The following GAS7 variants were observed in gnomAD, a reference collection of about 807,000 sequenced individuals.
The protein encoded by GAS7 is growth arrest-specific protein 7.
GAS7 carries 28 observed loss-of-function variants against 71.1 expected under a neutral mutation model. The ratio of observed to expected loss-of-function variants is 0.39; its 90% CI spans 0.29 to 0.54. GAS7 has a LOEUF of 0.54. Ranked by LOEUF, GAS7 falls within the 20% of genes least tolerant of loss-of-function variation. The pLI, the probability that GAS7 is intolerant of heterozygous loss-of-function variation, is 0.62. For synonymous variants in GAS7, 258 were observed against 245.8 expected (o/e 1.05, Z -0.46); for missense variants, 436 against 627.8 (o/e 0.69, Z 3.27).
At chr17:10,041,635 T>G (rs935201679) in intron 1 of GAS7, among the ~76,000 whole-genome samples, 1 of 152,248 alleles carries the variant, frequency 6.6e-6, no homozygotes, top group African/African-American at 2.4e-5. Flanking sequence ...AAGGGTTTAC[T>G]GTTTGGGTTC....
chr17:9,919,496 C>T lies in GAS7; in HGVS notation c.1218+130G>A. 1 of 759,734 alleles carries T rather than the reference C, an allele frequency of 1.3e-6. No individual in the cohort carries two copies. The highest frequency in any genetic ancestry group is 1.4e-5 in the South Asian group (1 of 71,448). The allele number at this position is 759,734 out of a possible 1,614,324, so 47.1% of individuals were successfully genotyped here. A position where few individuals can be genotyped will look rare whatever the true frequency, so the allele number is the denominator to read the frequency against. ...GCTCACATTGAGGTTTCGACCCCAA[C>T]ACTGAAGTAGATTTGATGACCATCT... On this transcript the variant is annotated intron_variant, in intron 12 of 13. Transcript: ENST00000432992. The surrounding 1 kb of genome is among the most constrained non-coding windows in gnomAD (Gnocchi z 5.0).
intron 1 of GAS7, among the ~76,000 whole-genome samples, chr17:10,179,222 T>C (rs1015703023): frequency 7.2e-5 from 11 of 151,726 alleles, no homozygotes; most frequent in African/African-American, 2.2e-4. Flanking sequence ...CCAACTACTC[T>C]GGAGGCTGAG....
At chr17:10,124,931 T>C (rs1221045803) in intron 1 of GAS7, among the ~76,000 whole-genome samples, 1 of 151,550 alleles carries the variant, frequency 6.6e-6, no homozygotes, top group Non-Finnish European at 1.5e-5. Context: ...ATTCAATAAA[T>C]AAATAAAAAT....
At chr17:9,945,592 C>A (rs2068759275) in intron 6 of GAS7, among the ~76,000 whole-genome samples, 1 of 151,824 alleles carries the variant, frequency 6.6e-6, no homozygotes, top group Non-Finnish European at 1.5e-5. Flanking sequence ...CAACAGGGAT[C>A]TTTGTATATC....
chr17:10,155,911 A>G (rs937553063), intron 1 of GAS7, among the ~76,000 whole-genome samples: 3 of 152,200 alleles, frequency 2.0e-5, no homozygotes, highest in African/African-American at 7.2e-5. Flanking sequence ...TACAGCTGGC[A>G]TTGACACCCC....
At chr17:10,006,370 C>T (rs1026114377) in intron 2 of GAS7, among the ~76,000 whole-genome samples, 5 of 119,836 alleles carry the variant, frequency 4.2e-5, no homozygotes, top group Middle Eastern at 0.016. Flanking sequence ...CACTCTGTTG[C>T]CCAGGCTGGA....
intron 9 of GAS7, among the ~76,000 whole-genome samples, chr17:9,927,834 C>A (rs1300155075): frequency 6.6e-6 from 1 of 152,248 alleles, no homozygotes; most frequent in African/African-American, 2.4e-5. Context: ...CTGTTGGAGA[C>A]CTGCTGGAAA....
intron 1 of GAS7, among the ~76,000 whole-genome samples, chr17:10,165,971 G>C (rs1412005089): frequency 6.6e-6 from 1 of 151,826 alleles, no homozygotes; most frequent in Non-Finnish European, 1.5e-5. Flanking sequence ...AGAGCAAAAG[G>C]CACCAGGAAC....
At chr17:10,029,160 A>C (rs1338359239) in intron 1 of GAS7, among the ~76,000 whole-genome samples, 2 of 152,236 alleles carry the variant, frequency 1.3e-5, no homozygotes, top group African/African-American at 4.8e-5. Flanking sequence ...TGCAAGAATA[A>C]AAAGAAGGCT....
chr17:10,197,124 T>A (rs1208583692), intron 1 of GAS7, among the ~76,000 whole-genome samples: 1 of 152,174 alleles, frequency 6.6e-6, no homozygotes, highest in Non-Finnish European at 1.5e-5. Context: ...ACAGGATACA[T>A]CCTCAGGCGG....
chr17:10,031,343 C>G (rs902492016), intron 1 of GAS7, among the ~76,000 whole-genome samples: 4 of 152,196 alleles, frequency 2.6e-5, no homozygotes, highest in Admixed American at 2.6e-4. Context: ...ATAATTACAA[C>G]GCAGTCCCTG....
intron 1 of GAS7, among the ~76,000 whole-genome samples, chr17:10,091,677 C>CGTGG (rs2073583100): frequency 1.3e-5 from 2 of 151,996 alleles, no homozygotes; most frequent in South Asian, 4.2e-4. Flanking sequence ...TGAGCCACCA[C>CGTGG]GCCCAGCTGG....
intron 1 of GAS7, among the ~76,000 whole-genome samples, chr17:10,033,428 C>G (rs1256688579): frequency 6.6e-6 from 1 of 152,164 alleles, no homozygotes; most frequent in Non-Finnish European, 1.5e-5. Context: ...TGGGCACTTT[C>G]TAGACTTCTG....
intron 1 of GAS7, among the ~76,000 whole-genome samples, chr17:10,028,093 C>T (rs994558287): frequency 7.2e-5 from 11 of 152,162 alleles, no homozygotes; most frequent in Non-Finnish European, 1.5e-4. Flanking sequence ...TTAGTAGAGA[C>T]GGGGTTTCAC....
At chr17:10,003,972 C>T (rs12373138) in intron 2 of GAS7, among the ~76,000 whole-genome samples, 25 of 152,300 alleles carry the variant, frequency 1.6e-4, no homozygotes, top group Non-Finnish European at 2.5e-4. Flanking sequence ...ACAATCTCAT[C>T]GATGGGACCT....
rs111377138 is a variant in GAS7 at position 10,048,172 on chromosome 17, C to A, written c.184-28275G>T. Among the ~76,000 whole-genome samples the A allele has an allele frequency of 4.6e-5, 7 of 152,042 alleles. No homozygotes were observed. In the South Asian group the frequency reaches 1.2e-3, roughly 27 times the overall value. ...CAAAAATTAGCCAGGCATGGTGGTGCGCACCTGTAATCCCAGCTACTTGGG... is the reference window on the plus strand; with the variant it reads ...CAAAAATTAGCCAGGCATGGTGGTGAGCACCTGTAATCCCAGCTACTTGGG... On this transcript the variant is annotated intron_variant, in intron 1 of 13. Transcript: ENST00000432992.
At chr17:10,115,303 C>A (rs796152766) in intron 1 of GAS7, among the ~76,000 whole-genome samples, 20 of 152,326 alleles carry the variant, frequency 1.3e-4, no homozygotes, top group African/African-American at 4.8e-4. Flanking sequence ...GGGAGCCCCC[C>A]GTGGGACTGG....
At chr17:10,191,156 CG>C (rs2074496073) in intron 1 of GAS7, among the ~76,000 whole-genome samples, 1 of 145,600 alleles carries the variant, frequency 6.9e-6, no homozygotes, top group Non-Finnish European at 1.5e-5. Flanking sequence ...GCCTGGGCAA[CG>C]AGAGCGGAAC....
chr17:10,183,619 C>T (rs570532125), intron 1 of GAS7, among the ~76,000 whole-genome samples: 1 of 152,302 alleles, frequency 6.6e-6, no homozygotes, highest in East Asian at 1.9e-4. Context: ...ACGGGCGGAT[C>T]ACGAGGTCAG....
Sources: gnomAD v4.1 joint callset for allele counts (sites outside exome capture counted in the v4.1 genomes callset) on GRCh38, gnomAD v4.1.1 for gene constraint, Gnocchi (gnomAD v3.1) non-coding constraint, MANE v1.5 for transcripts, NCBI Gene and HGNC (gene_info 2026-07-23, HGNC 2026-07-21) for gene names.